EXD3: variants seen among roughly 807,000 people sequenced by gnomAD.
EXD3 encodes exonuclease 3'-5' domain containing 3.
A neutral mutation model predicts 98.0 loss-of-function variants in EXD3; 92 were observed. That is an observed-to-expected ratio of 0.94 (90% CI 0.79 to 1.12). The LOEUF (loss-of-function observed/expected upper bound fraction) is 1.12, where lower values mean the gene tolerates loss of function less well. EXD3 is among the 50% of genes most tolerant of loss of function. EXD3 has a pLI of 0.00. For synonymous variants in EXD3, 569 were observed against 526.0 expected (o/e 1.08, Z -1.12); for missense variants, 1,222 against 1,191.6 (o/e 1.03, Z -0.38).
At chr9:137,330,190 GGACTACACA>G (rs1832949160) in intron 17 of EXD3, among the ~76,000 whole-genome samples, 4 of 140,576 alleles carry the variant, frequency 2.8e-5, no homozygotes, top group Non-Finnish European at 6.1e-5. Context: ...GGACTACACA[GGACTACACA>G]GGACTACACA....
At chr9:137,363,590 G>A (rs1344808367) in intron 7 of EXD3, among the ~76,000 whole-genome samples, 4 of 151,410 alleles carry the variant, frequency 2.6e-5, no homozygotes, top group African/African-American at 7.3e-5. Flanking sequence ...CGCCTGCCTC[G>A]GCCTCCCAAA....
rs1329114176 is a variant in EXD3, at chr9:137,348,179, G to T, written c.1890C>A (p.Phe630Leu). 1 of 1,612,000 alleles carries T rather than the reference G, an allele frequency of 6.2e-7. No homozygotes were observed. Among genetic ancestry groups the T allele is most frequent in the Admixed American group, 1.7e-5 (1 of 59,938 alleles). ...GAAPQIPARA[F>L]RVVCDNMLQG... is the part of the protein sequence containing the mutation. ...GCAGCATGTTGTCACACACCACACG[G>T]AAGGCCCTGGCCGGAATCTGAGGGG... The change falls in exon 17 of 22, where the codon TTC becomes TTA. Residue 630 changes from phenylalanine (F) to leucine (L), a missense_variant. Coordinates refer to ENST00000340951, the MANE Select transcript of EXD3 (RefSeq NM_017820.5).
intron 2 of EXD3, among the ~76,000 whole-genome samples, chr9:137,390,385 T>A (rs1177951070): frequency 1.3e-5 from 2 of 151,078 alleles, no homozygotes; most frequent in Non-Finnish European, 2.9e-5. Context: ...TGAGCCGAGA[T>A]TGTGCCACTG....
intron 11 of EXD3, among the ~76,000 whole-genome samples, 198 bp downstream of exon 11, chr9:137,352,422 T>G (rs1834353987): frequency 6.6e-6 from 1 of 152,212 alleles, no homozygotes; most frequent in African/African-American, 2.4e-5. Context: ...TGGGTCGGGC[T>G]GGCCATGGAT....
intron 19 of EXD3, among the ~76,000 whole-genome samples, chr9:137,319,781 C>G (rs1013667694): frequency 2.0e-5 from 3 of 152,200 alleles, no homozygotes; most frequent in African/African-American, 7.2e-5. Flanking sequence ...GTAGACATCT[C>G]AGCTTCTCAT....
intron 11 of EXD3, 150 bp downstream of exon 11, chr9:137,352,470 G>T (rs934560870): frequency 2.0e-5 from 19 of 949,370 alleles, no homozygotes; most frequent in African/African-American, 6.6e-5. Context: ...CTGCTGTCTT[G>T]TCTGCTCTGT....
Position 137,395,514 on chromosome 9 carries a change from G to T in EXD3, c.-47-110C>A. The T allele has an allele frequency of 7.0e-6, 7 of 997,486 alleles. No individual in the cohort carries two copies. Among genetic ancestry groups the T allele is most frequent in the Non-Finnish European group, 8.9e-6 (6 of 677,492 alleles). 61.8% of individuals were successfully genotyped at this position (997,486 alleles called of 1,614,324 possible). On this transcript the variant is annotated intron_variant, in intron 1 of 21. Transcript: ENST00000340951. This position sits in a 1 kb window ranked among gnomAD's most constrained non-coding sequence, Gnocchi z 6.5. ...GTGGAGGGAGCTGGTGCCTGGGGGG[G>T]CCCAAGTGGGACCCCCAGTCGCTGA... is the stretch of plus-strand genomic sequence containing the variant.
chr9:137,353,184 A>G lies in EXD3; in HGVS notation c.871-398T>C, dbSNP rs932912888. 12 of 978,724 alleles carry G rather than the reference A, an allele frequency of 1.2e-5. No individual in the cohort carries two copies. The African/African-American group carries it at 2.2e-4, about 18-fold the overall frequency. The allele number at this position is 978,724 out of a possible 1,614,324, so 60.6% of individuals were successfully genotyped here. ...GCCTCTGCTGACCTTCCTGGCCTCC[A>G]AGCCTCCACCAGCCCTCCTGGCCTC... On this transcript the variant is annotated intron_variant, in intron 10 of 21. Transcript: ENST00000340951.
At chr9:137,398,816 C>T (rs1338650259) in intron 1 of EXD3, among the ~76,000 whole-genome samples, 3 of 143,898 alleles carry the variant, frequency 2.1e-5, no homozygotes, top group South Asian at 2.3e-4. Flanking sequence ...CACAGGCACC[C>T]GCGTCCCCGT....
intron 7 of EXD3, among the ~76,000 whole-genome samples, chr9:137,358,383 A>G (rs1834894753): frequency 6.6e-6 from 1 of 152,120 alleles, no homozygotes; most frequent in Non-Finnish European, 1.5e-5. Flanking sequence ...TGTGGCCAGA[A>G]CACCGTGCCG....
intron 2 of EXD3, among the ~76,000 whole-genome samples, chr9:137,389,268 C>T (rs1057003341): frequency 3.3e-5 from 5 of 152,172 alleles, no homozygotes; most frequent in Non-Finnish European, 7.3e-5. Context: ...CTCGGCTCGC[C>T]GCAGAGGACC....
At chr9:137,358,405 C>G (rs1422501554) in intron 7 of EXD3, among the ~76,000 whole-genome samples, 1 of 152,126 alleles carries the variant, frequency 6.6e-6, no homozygotes, top group African/African-American at 2.4e-5. Flanking sequence ...TCACAAAGAC[C>G]CCCTGGAGAC....
intron 17 of EXD3, among the ~76,000 whole-genome samples, chr9:137,333,368 A>G (rs375679018): frequency 8.8e-4 from 133 of 151,940 alleles, no homozygotes; most frequent in African/African-American, 2.8e-3. Context: ...CTGTGAGTCA[A>G]CTCTCCTTAA....
Position 137,315,721 on chromosome 9 carries a change from G to A in EXD3, c.2185-6021C>T, listed in dbSNP as rs1831612316. Among the ~76,000 whole-genome samples the A allele has an allele frequency of 2.6e-5, 4 of 152,106 alleles. No homozygotes were observed. The South Asian group carries it at 8.3e-4, about 31-fold the overall frequency. ...TGACCGTTTTCTGAGATTCTTGTTAGCAAGCGCCTGTGTTTGTCAGATCCC... is the reference window on the plus strand; with the variant it reads ...TGACCGTTTTCTGAGATTCTTGTTAACAAGCGCCTGTGTTTGTCAGATCCC... On this transcript the variant is annotated intron_variant, in intron 19 of 21. Transcript: ENST00000340951.
chr9:137,394,068 C>T (rs113579582), intron 2 of EXD3, among the ~76,000 whole-genome samples: 2,917 of 152,306 alleles, frequency 0.019, 109 homozygotes, highest in African/African-American at 0.066. Flanking sequence ...AGCTGAGGCT[C>T]GGGCTGACCC....
chr9:137,332,623 C>G (rs1833134833), intron 17 of EXD3, among the ~76,000 whole-genome samples: 1 of 152,060 alleles, frequency 6.6e-6, no homozygotes, highest in Non-Finnish European at 1.5e-5. Context: ...GCGGGCAGAT[C>G]ACAAGGTCAG....
At chr9:137,350,800 C>G (rs1026353967) in intron 14 of EXD3, among the ~76,000 whole-genome samples, 4 of 152,058 alleles carry the variant, frequency 2.6e-5, no homozygotes, top group African/African-American at 9.7e-5. Context: ...TGCCCTCACA[C>G]CAGATAACGG....
chr9:137,315,612 A>C (rs985782186), intron 19 of EXD3, among the ~76,000 whole-genome samples: 3 of 151,742 alleles, frequency 2.0e-5, no homozygotes, highest in Non-Finnish European at 4.4e-5. Context: ...GTCAGCCCCC[A>C]CCCCGGGGGA....
chr9:137,379,971 C>T (rs1252201522), intron 3 of EXD3, among the ~76,000 whole-genome samples: 2 of 152,050 alleles, frequency 1.3e-5, no homozygotes, highest in South Asian at 4.1e-4. Context: ...GTGCCCACTG[C>T]ACCCCTGCCA....
Sources: gnomAD v4.1 joint callset for allele counts (sites outside exome capture counted in the v4.1 genomes callset) on GRCh38, gnomAD v4.1.1 for gene constraint, Gnocchi (gnomAD v3.1) non-coding constraint, MANE v1.5 for transcripts, NCBI Gene and HGNC (gene_info 2026-07-23, HGNC 2026-07-21) for gene names.